WASF3: variants seen among roughly 807,000 people sequenced by gnomAD.
WASF3 encodes WASP family member 3, also known as actin-binding protein WASF3.
Under a neutral mutation model 46.6 loss-of-function variants are expected in WASF3, and 11 were observed. That is an observed-to-expected ratio of 0.24 (90% CI 0.15 to 0.39). The LOEUF is 0.39. Among genes scored for constraint, WASF3 ranks in the 10% least tolerant of loss-of-function variants. The pLI is 1.00. For synonymous variants in WASF3, 242 were observed against 259.7 expected (o/e 0.93, Z 0.65); for missense variants, 576 against 669.8 (o/e 0.86, Z 1.55).
intron 7 of WASF3, among the ~76,000 whole-genome samples, chr13:26,678,582 A>G (rs1883134023): frequency 6.6e-6 from 1 of 152,008 alleles, no homozygotes; most frequent in Non-Finnish European, 1.5e-5. Context: ...ATACTGAGGG[A>G]AATTTAAATA....
chr13:26,541,369 T>C, the WASF3 span, among the ~76,000 whole-genome samples: 59,282 of 152,058 alleles, frequency 0.39, 11,872 homozygotes, highest in South Asian at 0.49. Flanking sequence ...TGTGCAACCT[T>C]GGGTAAGTTG....
chr13:26,682,427 A>G lies in WASF3; in HGVS notation c.984-180A>G, dbSNP rs1165561490. Among the ~76,000 whole-genome samples, 1 of 152,216 alleles carries G rather than the reference A, an allele frequency of 6.6e-6. No individual in the cohort carries two copies. Among genetic ancestry groups the G allele is most frequent in the Non-Finnish European group, 1.5e-5 (1 of 68,042 alleles). On this transcript the variant is annotated intron_variant, in intron 8 of 9. Transcript: ENST00000335327. The surrounding 1 kb of genome is among the most constrained non-coding windows in gnomAD (Gnocchi z 4.4). The stretch of plus-strand genomic sequence containing the variant: ...GCAGATCTTGACTTCTGTCATAATG[A>G]ATAATGTCAAACTGTGAAAATAACT...
chr13:26,557,915 A>G (rs1879148929), intron 1 of WASF3, 96 bp downstream of exon 1: 1 of 270,062 alleles, frequency 3.7e-6, no homozygotes, highest in Non-Finnish European at 6.9e-6. Context: ...GGGCGGCCCC[A>G]CGGCGAACTG....
At chr13:26,595,176 A>T (rs1355944269) in intron 1 of WASF3, among the ~76,000 whole-genome samples, 1 of 152,194 alleles carries the variant, frequency 6.6e-6, no homozygotes, top group Non-Finnish European at 1.5e-5. Context: ...CTCAGGAGGA[A>T]CGTACTTTGA....
intron 1 of WASF3, among the ~76,000 whole-genome samples, chr13:26,606,283 G>A (rs984987145): frequency 6.6e-6 from 1 of 151,630 alleles, no homozygotes; most frequent in African/African-American, 2.4e-5. Flanking sequence ...TCCATCTGGA[G>A]CTGTTTGACT....
At chr13:26,544,605 T>A in the WASF3 span, among the ~76,000 whole-genome samples, 4 of 152,248 alleles carry the variant, frequency 2.6e-5, no homozygotes, top group African/African-American at 9.6e-5. Flanking sequence ...GTACCATGTC[T>A]AATGTGATGT....
chr13:26,659,892 A>G lies in WASF3; in HGVS notation c.134-5136A>G, dbSNP rs77092944. ...GGGTATTAGGACTCCATTCAGGGCA[A>G]GTTATGTTTCAGTTATTAGACACCC... On this transcript the variant is annotated intron_variant, in intron 3 of 9. Transcript: ENST00000335327. Among the ~76,000 whole-genome samples, 240 of 152,246 alleles carry G rather than the reference A, an allele frequency of 1.6e-3. 6 individuals carry two copies. In the East Asian group the frequency reaches 0.027, roughly 17 times the overall value.
At chr13:26,590,250 C>G (rs1394744326) in intron 1 of WASF3, among the ~76,000 whole-genome samples, 1 of 152,076 alleles carries the variant, frequency 6.6e-6, no homozygotes, top group Non-Finnish European at 1.5e-5. Context: ...CCTGTTAAAT[C>G]ACAGAGAAAA....
At chr13:26,575,471 A>G (rs2137159901) in intron 1 of WASF3, among the ~76,000 whole-genome samples, 1 of 152,302 alleles carries the variant, frequency 6.6e-6, no homozygotes, top group Non-Finnish European at 1.5e-5. Context: ...CATTGAATGT[A>G]ATGTGTCAGT....
chr13:26,681,244 C>A lies in WASF3; in HGVS notation c.907C>A (p.Gln303Lys). 6.2e-7 allele frequency: 1 copy of A among 1,613,708 alleles called. No individual in the cohort carries two copies. Among genetic ancestry groups the A allele is most frequent in the Non-Finnish European group, 8.5e-7 (1 of 1,179,902 alleles). Residue 303 changes from glutamine to lysine, a missense_variant, in exon 8 of 10, where the codon CAG becomes AAG. Gln to Lys is a moderately conservative substitution (Grantham distance 53). This residue lies in a region of WASF3 where 295 missense variants were observed against 291.5 expected (regional missense o/e 1.01). Transcript: ENST00000335327. ...ARHMALNRPQ[Q>K]PPPPPPPQAP... ...GCACATGGCCCTCAACAGACCTCAGCAGCCGCCCCCCCCGCCTCCCCCTCA... is the reference window on the plus strand; with the variant it reads ...GCACATGGCCCTCAACAGACCTCAGAAGCCGCCCCCCCCGCCTCCCCCTCA...
At chr13:26,671,655 C>A (rs1323389758) in intron 5 of WASF3, among the ~76,000 whole-genome samples, 1 of 151,854 alleles carries the variant, frequency 6.6e-6, no homozygotes, top group East Asian at 1.9e-4. Flanking sequence ...TGCAAGAGTA[C>A]TTTTAACCTA....
At chr13:26,644,424 T>G (rs1882087975) in intron 3 of WASF3, among the ~76,000 whole-genome samples, 1 of 152,198 alleles carries the variant, frequency 6.6e-6, no homozygotes, top group Admixed American at 6.5e-5. Flanking sequence ...GCCTCATGAT[T>G]GGGCCGGGGC....
At chr13:26,558,560 A>G (rs1402691862) in intron 1 of WASF3, among the ~76,000 whole-genome samples, 1 of 149,990 alleles carries the variant, frequency 6.7e-6, no homozygotes, top group Non-Finnish European at 1.5e-5. Flanking sequence ...GCTTCCTCTC[A>G]GTTTGTGGTG....
chr13:26,588,087 A>G (rs1402410029), intron 1 of WASF3, among the ~76,000 whole-genome samples: 1 of 152,236 alleles, frequency 6.6e-6, no homozygotes, highest in Non-Finnish European at 1.5e-5. Flanking sequence ...CACAAGACTC[A>G]GTCTATTAAA....
At chr13:26,672,943 T>C (rs977038645) in intron 6 of WASF3, among the ~76,000 whole-genome samples, 3 of 152,184 alleles carry the variant, frequency 2.0e-5, no homozygotes, top group Non-Finnish European at 4.4e-5. Flanking sequence ...TGCAAAGGAC[T>C]TGGTCACACA....
chr13:26,630,690 G>A (rs1163266624), intron 2 of WASF3, among the ~76,000 whole-genome samples: 1 of 152,096 alleles, frequency 6.6e-6, no homozygotes, highest in Non-Finnish European at 1.5e-5. Flanking sequence ...TGGGATCGCT[G>A]GGTCAAATGC....
At position 26,688,397 on chromosome 13, in the gene WASF3, A is replaced by G. The variant is rs1883475080; in HGVS notation, c.*2552A>G. Reference sequence around the variant, plus strand: ...AAATTGTCCCTCGTATTATTTCTCCACGTCTGTTTTAGTTTAATGTCTCCT... The same window carrying G: ...AAATTGTCCCTCGTATTATTTCTCCGCGTCTGTTTTAGTTTAATGTCTCCT... On this transcript the variant is annotated 3_prime_UTR_variant, in exon 10 of 10. Coordinates refer to ENST00000335327, the MANE Select transcript of WASF3 (RefSeq NM_006646.6). 1 of 152,114 alleles carries G rather than the reference A, an allele frequency of 6.6e-6. No homozygotes were observed. 9.4% of individuals were successfully genotyped at this position (152,114 alleles called of 1,614,324 possible).
At chr13:26,572,763 G>T (rs1041262450) in intron 1 of WASF3, among the ~76,000 whole-genome samples, 3 of 152,214 alleles carry the variant, frequency 2.0e-5, no homozygotes, top group African/African-American at 7.2e-5. Flanking sequence ...ATGTTGGCCA[G>T]GCTGATCATG....
Position 26,621,879 on chromosome 13 carries a change from G to A in WASF3, c.-11+8821G>A, listed in dbSNP as rs117647348. On this transcript the variant is annotated intron_variant, in intron 2 of 9. Transcript: ENST00000335327. The stretch of plus-strand genomic sequence containing the variant: ...GGCACTTAACTCCAAGCAGAGTGCT[G>A]TAAAGTGGAGGCAGGCAGACATAGC... 8.7e-3 allele frequency among the ~76,000 whole-genome samples: 1,319 copies of A among 152,188 alleles called. 8 individuals carry two copies. The highest frequency in any genetic ancestry group is 0.013 in the Admixed American group (199 of 15,280).
Sources: gnomAD v4.1 joint callset for allele counts (sites outside exome capture counted in the v4.1 genomes callset) on GRCh38, gnomAD v4.1.1 for gene constraint, gnomAD v4.1.1 regional missense constraint, Gnocchi (gnomAD v3.1) non-coding constraint, MANE v1.5 for transcripts, NCBI Gene and HGNC (gene_info 2026-07-23, HGNC 2026-07-21) for gene names.